The following TENM2 variants were observed in gnomAD, a reference collection of about 807,000 sequenced individuals.
TENM2 encodes teneurin transmembrane protein 2.
In TENM2, 52 loss-of-function variants were observed where a neutral mutation model predicts 245.2. The observed-to-expected ratio is 0.21, with a 90% CI of 0.17 to 0.27. TENM2 has a LOEUF of 0.27. TENM2 is among the 10% of genes least tolerant of loss of function. The probability of loss-of-function intolerance (pLI) is 1.00; values close to 1 mark genes in which losing one functional copy is unlikely to be tolerated. For synonymous variants in TENM2, 1,363 were observed against 1,438.9 expected (o/e 0.95, Z 1.19); for missense variants, 3,046 against 3,666.8 (o/e 0.83, Z 4.37).
the TENM2 span, among the ~76,000 whole-genome samples, chr5:167,055,952 A>G: frequency 6.6e-6 from 1 of 151,960 alleles, no homozygotes; most frequent in Non-Finnish European, 1.5e-5. Flanking sequence ...AATGTTGAAG[A>G]GCAGTGGTGA....
intron 2 of TENM2, among the ~76,000 whole-genome samples, chr5:167,845,925 A>G (rs1201017855): frequency 6.6e-6 from 1 of 152,154 alleles, no homozygotes; most frequent in African/African-American, 2.4e-5. Context: ...TCCTACAGTG[A>G]CCTTTCCACT....
chr5:168,130,898 T>C (rs557314181), intron 12 of TENM2, among the ~76,000 whole-genome samples: 2 of 152,120 alleles, frequency 1.3e-5, no homozygotes, highest in South Asian at 4.2e-4. Context: ...TCAAAAAAAA[T>C]ACTGGTACCT....
At chr5:167,662,535 T>C (rs1444339179) in intron 2 of TENM2, among the ~76,000 whole-genome samples, 1 of 152,196 alleles carries the variant, frequency 6.6e-6, no homozygotes, top group Non-Finnish European at 1.5e-5. Flanking sequence ...CTTCCATAAA[T>C]CAGACTTCTG....
the TENM2 span, among the ~76,000 whole-genome samples, chr5:167,095,257 T>C: frequency 6.6e-6 from 1 of 152,188 alleles, no homozygotes; most frequent in South Asian, 2.1e-4. Context: ...GAGAGGCCAT[T>C]TTGTAGAAAG....
chr5:166,985,791 G>A, the TENM2 span, among the ~76,000 whole-genome samples: 1 of 152,020 alleles, frequency 6.6e-6, no homozygotes, highest in South Asian at 2.1e-4. Context: ...GGTGAAAAAG[G>A]ATCCTTTCTC....
Position 167,754,120 on chromosome 5 carries a change from G to A in TENM2, c.503-121866G>A, listed in dbSNP as rs150042564. Among the ~76,000 whole-genome samples the A allele has an allele frequency of 2.3e-3, 355 of 152,224 alleles. 1 individual carries two copies. The highest frequency in any genetic ancestry group is 8.2e-3 in the African/African-American group (340 of 41,528). On this transcript the variant is annotated intron_variant, in intron 2 of 28. Transcript: ENST00000518659. ...AAATATCCAAAAGCCCTACTTTTGG[G>A]ATATGCAGACTGCAACTATACTTTC...
chr5:167,620,771 G>T (rs893057485), intron 2 of TENM2, among the ~76,000 whole-genome samples: 1 of 151,768 alleles, frequency 6.6e-6, no homozygotes, highest in Non-Finnish European at 1.5e-5. Context: ...TTTTGAAAGA[G>T]GTTTAGAGCT....
At chr5:167,302,427 G>A (rs1408872670) in intron 1 of TENM2, among the ~76,000 whole-genome samples, 1 of 150,768 alleles carries the variant, frequency 6.6e-6, no homozygotes, top group Non-Finnish European at 1.5e-5. Context: ...AGACACAGAG[G>A]AAAGGGGTTT....
chr5:168,052,406 C>G (rs186282944), intron 6 of TENM2, among the ~76,000 whole-genome samples: 1 of 149,360 alleles, frequency 6.7e-6, no homozygotes, highest in Non-Finnish European at 1.5e-5. Flanking sequence ...ATACACACAC[C>G]CACACACACA....
chr5:167,517,528 C>T (rs1004820483), intron 2 of TENM2, among the ~76,000 whole-genome samples: 2 of 152,012 alleles, frequency 1.3e-5, no homozygotes, highest in Non-Finnish European at 2.9e-5. Flanking sequence ...TAGTTTTCAG[C>T]GCTAATAGAG....
chr5:167,780,218 A>T (rs980905867), intron 2 of TENM2, among the ~76,000 whole-genome samples: 4 of 152,220 alleles, frequency 2.6e-5, no homozygotes, highest in African/African-American at 4.8e-5. Flanking sequence ...ACTTCATAAC[A>T]GTCGATCCTT....
In TENM2 at chr5:168,244,130, T is replaced by G. The variant is rs2152685138; in HGVS notation, c.5521-290T>G. ...TTTTATATTTTTAGTACAGACGGGG[T>G]TTCACCATGTTGGCCAGGCTGGTCT... is the stretch of plus-strand genomic sequence containing the variant. On this transcript the variant is annotated intron_variant, in intron 25 of 28. Coordinates refer to ENST00000518659, the Ensembl canonical transcript of TENM2. The surrounding 1 kb of genome is among the most constrained non-coding windows in gnomAD (Gnocchi z 4.9). 6.6e-6 allele frequency among the ~76,000 whole-genome samples: 1 copy of G among 151,998 alleles called. No homozygotes were observed. The highest frequency in any genetic ancestry group is 1.5e-5 in the Non-Finnish European group (1 of 67,972).
chr5:167,730,612 G>A (rs924383935), intron 2 of TENM2, among the ~76,000 whole-genome samples: 2 of 152,024 alleles, frequency 1.3e-5, no homozygotes, highest in African/African-American at 2.4e-5. Context: ...ATCACCAGAG[G>A]GTTTAATCTA....
intron 2 of TENM2, among the ~76,000 whole-genome samples, chr5:167,533,756 G>A (rs1771676583): frequency 1.3e-5 from 2 of 152,062 alleles, no homozygotes; most frequent in Non-Finnish European, 1.5e-5. Context: ...CATCATGCCT[G>A]GTTGGCTGTT....
At chr5:167,937,613 T>G (rs1778826250) in intron 3 of TENM2, 2 of 149,248 alleles carry the variant, frequency 1.3e-5, no homozygotes, top group Admixed American at 1.3e-4. Flanking sequence ...CATTTTTTTT[T>G]TATTCCCTAA....
At chr5:167,834,677 T>G (rs1364561244) in intron 2 of TENM2, among the ~76,000 whole-genome samples, 1 of 144,490 alleles carries the variant, frequency 6.9e-6, no homozygotes, top group Non-Finnish European at 1.5e-5. Flanking sequence ...TGAGACGGAG[T>G]CTCGCTCTGT....
intron 2 of TENM2, among the ~76,000 whole-genome samples, chr5:167,831,700 GCA>G (rs1283739241): frequency 1.3e-5 from 2 of 152,018 alleles, no homozygotes; most frequent in Non-Finnish European, 2.9e-5. Flanking sequence ...CAATCCTTTT[GCA>G]GCAATTTTCC....
At chr5:168,254,448 G>A (rs528590527) in intron 27 of TENM2, among the ~76,000 whole-genome samples, 1 of 148,344 alleles carries the variant, frequency 6.7e-6, no homozygotes, top group South Asian at 2.1e-4. Flanking sequence ...GGGAGGGAGA[G>A]GAAGAGGAAG....
intron 2 of TENM2, among the ~76,000 whole-genome samples, chr5:167,391,701 A>T (rs1365539196): frequency 6.6e-6 from 1 of 151,252 alleles, no homozygotes; most frequent in Non-Finnish European, 1.5e-5. Context: ...AAGTATTAAG[A>T]TGAGAAATAC....
Sources: allele counts gnomAD v4.1 joint callset (sites outside exome capture counted in the v4.1 genomes callset), GRCh38; gene constraint gnomAD v4.1.1; non-coding constraint Gnocchi (gnomAD v3.1); transcripts MANE v1.5; gene names NCBI Gene and HGNC (gene_info 2026-07-23, HGNC 2026-07-21).